The following RSBN1 variants were observed in gnomAD, a reference collection of about 807,000 sequenced individuals.
RSBN1 encodes the protein round spermatid basic protein 1.
RSBN1 carries 23 observed loss-of-function variants against 74.8 expected under a neutral mutation model. The ratio of observed to expected loss-of-function variants is 0.31; its 90% CI spans 0.22 to 0.44. The LOEUF is 0.44. Among genes scored for constraint, RSBN1 ranks in the 20% least tolerant of loss-of-function variants. The pLI is 1.00. For synonymous variants in RSBN1, 407 were observed against 379.6 expected (o/e 1.07, Z -0.84); for missense variants, 808 against 1,020.9 (o/e 0.79, Z 2.84).
Position 113,762,735 on chromosome 1 carries a change from TA to T in RSBN1, c.*3244del, listed in dbSNP as rs1241727629. 2 of 152,788 alleles carry T rather than the reference TA, an allele frequency of 1.3e-5. No individual in the cohort carries two copies. Among genetic ancestry groups the T allele is most frequent in the Non-Finnish European group, 2.9e-5 (2 of 68,022 alleles). The allele number at this position is 152,788 out of a possible 1,614,324, so 9.5% of individuals were successfully genotyped here. On this transcript the variant is annotated 3_prime_UTR_variant, in exon 7 of 7. Transcript: ENST00000261441. Reference sequence around the variant, plus strand: ...TTTCATTCTAGACAATTAATATTTATATAGGGAAAGGCAATAAGCAAGTTTT... The same window carrying T: ...TTTCATTCTAGACAATTAATATTTATTAGGGAAAGGCAATAAGCAAGTTTT...
At chr1:113,790,246 C>T (rs141084137) in intron 2 of RSBN1, among the ~76,000 whole-genome samples, 1 of 152,062 alleles carries the variant, frequency 6.6e-6, no homozygotes, top group East Asian at 1.9e-4. Flanking sequence ...TATAGAGTTT[C>T]TGTTTGGTAT....
chr1:113,774,380 A>C (rs540514758), intron 4 of RSBN1, among the ~76,000 whole-genome samples: 1 of 151,718 alleles, frequency 6.6e-6, no homozygotes, highest in Non-Finnish European at 1.5e-5. Flanking sequence ...AATTAAAATT[A>C]AAAAAAACAA....
chr1:113,777,611 A>T, intron 3 of RSBN1, 60 bp downstream of exon 3: 2 of 1,481,406 alleles, frequency 1.4e-6, no homozygotes, highest in Non-Finnish European at 1.8e-6. Flanking sequence ...ATACTCTTCA[A>T]CATATAAAGT....
intron 4 of RSBN1, among the ~76,000 whole-genome samples, chr1:113,773,870 G>A (rs1384239541): frequency 6.6e-6 from 1 of 151,976 alleles, no homozygotes; most frequent in Admixed American, 6.6e-5. Flanking sequence ...GGGCATGGTG[G>A]TGCATGCCTG....
At chr1:113,799,108 T>A (rs1032680655) in intron 1 of RSBN1, among the ~76,000 whole-genome samples, 6 of 152,218 alleles carry the variant, frequency 3.9e-5, no homozygotes, top group African/African-American at 7.2e-5. Flanking sequence ...CACATGTACA[T>A]TCTGATCCCA....
At chr1:113,769,724 A>G (rs1176601072) in intron 4 of RSBN1, among the ~76,000 whole-genome samples, 1 of 152,254 alleles carries the variant, frequency 6.6e-6, no homozygotes, top group Admixed American at 6.5e-5. Context: ...AGCCACAGGC[A>G]TAGAATACAC....
chr1:113,783,196 G>A (rs914570466), intron 2 of RSBN1, among the ~76,000 whole-genome samples: 3 of 151,080 alleles, frequency 2.0e-5, no homozygotes, highest in African/African-American at 4.9e-5. Flanking sequence ...AAAGTGCCTG[G>A]TATGTAGTCA....
At position 113,768,203 on chromosome 1, in the gene RSBN1, T is replaced by C. The variant is rs541504899; in HGVS notation, c.1826+19A>G. 3 of 1,586,884 alleles carry C rather than the reference T, an allele frequency of 1.9e-6. No homozygotes were observed. In the African/African-American group the frequency reaches 4.1e-5, roughly 21 times the overall value. ...TATACAATATTAACCAACCTTGCAG[T>C]TGAGTTCAATTAACTCACCATTCAC... On this transcript the variant is annotated intron_variant, in intron 5 of 6. Coordinates refer to ENST00000261441, the MANE Select transcript of RSBN1 (RefSeq NM_018364.5).
intron 4 of RSBN1, among the ~76,000 whole-genome samples, chr1:113,773,247 G>C (rs894038425): frequency 1.3e-5 from 2 of 152,218 alleles, no homozygotes; most frequent in African/African-American, 4.8e-5. Flanking sequence ...TTTTTGGGTT[G>C]GGCGTGGTGG....
At chr1:113,801,627 A>C (rs773194455) in intron 1 of RSBN1, among the ~76,000 whole-genome samples, 1 of 152,234 alleles carries the variant, frequency 6.6e-6, no homozygotes, top group Non-Finnish European at 1.5e-5. Context: ...GCACATTTTT[A>C]GTATTTCCCC....
chr1:113,775,611 A>G (rs1660010327), intron 4 of RSBN1, among the ~76,000 whole-genome samples: 1 of 152,178 alleles, frequency 6.6e-6, no homozygotes, highest in African/African-American at 2.4e-5. Flanking sequence ...TTCTGGGATT[A>G]CAGGTGTGAG....
chr1:113,773,965 T>G (rs957299846), intron 4 of RSBN1, among the ~76,000 whole-genome samples: 3 of 152,028 alleles, frequency 2.0e-5, no homozygotes, highest in Non-Finnish European at 4.4e-5. Flanking sequence ...ATCGCGCCAC[T>G]GCACCCCAGC....
chr1:113,810,274 CTG>C, intron 1 of RSBN1, among the ~76,000 whole-genome samples: 1 of 152,174 alleles, frequency 6.6e-6, no homozygotes, highest in East Asian at 1.9e-4. Flanking sequence ...TGCGAATTAA[CTG>C]TGATTTGATT....
intron 2 of RSBN1, among the ~76,000 whole-genome samples, chr1:113,787,412 T>C (rs1253689126): frequency 6.6e-6 from 1 of 152,182 alleles, no homozygotes; most frequent in Non-Finnish European, 1.5e-5. Context: ...ATTTGCAAAC[T>C]GAGAACTCTG....
At position 113,763,550 on chromosome 1, in the gene RSBN1, A is replaced by C. The variant is rs1412162590; in HGVS notation, c.*2430T>G. The C allele has an allele frequency of 6.5e-6, 1 of 152,804 alleles. No homozygotes were observed. Among genetic ancestry groups the C allele is most frequent in the African/African-American group, 2.4e-5 (1 of 41,470 alleles). 9.5% of individuals were successfully genotyped at this position (152,804 alleles called of 1,614,324 possible). A position where few individuals can be genotyped will look rare whatever the true frequency, so the allele number is the denominator to read the frequency against. On this transcript the variant is annotated 3_prime_UTR_variant, in exon 7 of 7. Transcript: ENST00000261441. ...ACGCAAAACTTCTGCTTTTATACTC[A>C]TCAGTCTTTAAAGCATGCTATTAAA...
chr1:113,783,850 C>G (rs189076677), intron 2 of RSBN1, among the ~76,000 whole-genome samples: 2 of 152,314 alleles, frequency 1.3e-5, no homozygotes, highest in East Asian at 3.9e-4. Flanking sequence ...GAGTTGCTTA[C>G]CTCGGGACTG....
At chr1:113,811,683 C>G (rs758130291) in intron 1 of RSBN1, 27 bp downstream of exon 1, 34 of 1,551,416 alleles carry the variant, frequency 2.2e-5, no homozygotes, top group Non-Finnish European at 3.0e-5. Context: ...ACCTAGAACC[C>G]AAGCCGGGCA....
chr1:113,793,209 A>G (rs867581542), intron 2 of RSBN1, among the ~76,000 whole-genome samples: 8 of 152,230 alleles, frequency 5.3e-5, no homozygotes, highest in Middle Eastern at 6.8e-3. Flanking sequence ...CCCAGTCTAC[A>G]CTCCTAGCAA....
At position 113,812,458 on chromosome 1, in the gene RSBN1, C is replaced by A. The variant is rs563618426; in HGVS notation, c.-46G>T. On this transcript the variant is annotated 5_prime_UTR_variant, in exon 1 of 7. Coordinates refer to ENST00000261441, the MANE Select transcript of RSBN1 (RefSeq NM_018364.5). Reference sequence around the variant, plus strand: ...GCTTTTCTCCGCAGGCCTCTCCAACCGAGCTTCTATTGTAAAGCACCCTAT... The same window carrying A: ...GCTTTTCTCCGCAGGCCTCTCCAACAGAGCTTCTATTGTAAAGCACCCTAT... 2.0e-6 allele frequency: 3 copies of A among 1,523,962 alleles called. No individual in the cohort carries two copies. Among genetic ancestry groups the A allele is most frequent in the Admixed American group, 2.1e-5 (1 of 48,386 alleles). 94.4% of individuals were successfully genotyped at this position (1,523,962 alleles called of 1,614,324 possible).
Sources: allele counts gnomAD v4.1 joint callset (sites outside exome capture counted in the v4.1 genomes callset), GRCh38; gene constraint gnomAD v4.1.1; transcripts MANE v1.5; gene names NCBI Gene and HGNC (gene_info 2026-07-23, HGNC 2026-07-21).